Variants in STXBP5L observed in about 807,000 individuals in gnomAD.
STXBP5L encodes syntaxin binding protein 5L.
Under a neutral mutation model 144.5 loss-of-function variants are expected in STXBP5L, and 65 were observed. That is an observed-to-expected ratio of 0.45 (90% confidence interval 0.37 to 0.55). The LOEUF is 0.55. Ranked by LOEUF, STXBP5L falls within the 20% of genes least tolerant of loss-of-function variation. The pLI, the probability that STXBP5L is intolerant of heterozygous loss-of-function variation, is 0.00. For synonymous variants in STXBP5L, 505 were observed against 469.6 expected (o/e 1.08, Z -0.97); for missense variants, 1,298 against 1,405.5 (o/e 0.92, Z 1.22).
chr3:120,975,239 T>C (rs1029374226), intron 3 of STXBP5L, among the ~76,000 whole-genome samples: 1 of 152,208 alleles, frequency 6.6e-6, no homozygotes, highest in African/African-American at 2.4e-5. Flanking sequence ...TTTGTAGTTC[T>C]CCTTGAAGAG....
intron 22 of STXBP5L, among the ~76,000 whole-genome samples, chr3:121,395,728 C>T (rs189887939): frequency 2.6e-5 from 4 of 152,324 alleles, no homozygotes; most frequent in Non-Finnish European, 5.9e-5. Context: ...AATGGTGATA[C>T]CGCTATCATA....
chr3:121,109,612 T>C (rs558164768), intron 5 of STXBP5L, among the ~76,000 whole-genome samples: 3 of 152,314 alleles, frequency 2.0e-5, no homozygotes, highest in African/African-American at 7.2e-5. Context: ...TTCTTTTGTA[T>C]TTGCTGAGGA....
intron 11 of STXBP5L, among the ~76,000 whole-genome samples, chr3:121,223,881 A>T (rs746591020): frequency 8.5e-5 from 13 of 152,118 alleles, no homozygotes; most frequent in Non-Finnish European, 1.5e-4. Context: ...AGATCGTTTG[A>T]GTCCAGGAGT....
chr3:121,359,808 G>A lies in STXBP5L; in HGVS notation c.2177-18908G>A, dbSNP rs150937924. Reference sequence around the variant, plus strand: ...TCTATTCTGTCCCATTGGTCAATATGTCTGTTTTTATGCCAGTACCATGCT... The same window carrying A: ...TCTATTCTGTCCCATTGGTCAATATATCTGTTTTTATGCCAGTACCATGCT... On this transcript the variant is annotated intron_variant, in intron 20 of 26. Coordinates refer to ENST00000471454, the MANE Select transcript of STXBP5L (RefSeq NM_001308330.2). Among the ~76,000 whole-genome samples the A allele has an allele frequency of 7.3e-5, 11 of 151,668 alleles. No individual in the cohort carries two copies. The East Asian group carries it at 2.1e-3, about 29-fold the overall frequency.
At chr3:121,004,094 T>C (rs1433839830) in intron 3 of STXBP5L, among the ~76,000 whole-genome samples, 3 of 152,220 alleles carry the variant, frequency 2.0e-5, no homozygotes, top group Admixed American at 2.0e-4. Flanking sequence ...AAGAAAGTCA[T>C]TGGTAGCTTG....
chr3:121,175,797 C>G (rs546773982), intron 9 of STXBP5L, among the ~76,000 whole-genome samples: 4 of 151,556 alleles, frequency 2.6e-5, no homozygotes, highest in African/African-American at 9.7e-5. Context: ...AAGCAAGACT[C>G]AACTACATGT....
At chr3:121,075,495 A>T (rs2041981638) in intron 5 of STXBP5L, among the ~76,000 whole-genome samples, 1 of 152,120 alleles carries the variant, frequency 6.6e-6, no homozygotes, top group Non-Finnish European at 1.5e-5. Flanking sequence ...CACCTGTATA[A>T]GCTTGGTAAT....
intron 3 of STXBP5L, among the ~76,000 whole-genome samples, chr3:120,990,566 G>C (rs1299189785): frequency 2.6e-5 from 4 of 152,024 alleles, no homozygotes; most frequent in Non-Finnish European, 5.9e-5. Flanking sequence ...TATACTACAA[G>C]GCTACAGTAA....
intron 20 of STXBP5L, among the ~76,000 whole-genome samples, chr3:121,334,439 C>A (rs1364119156): frequency 8.4e-5 from 12 of 142,674 alleles, no homozygotes; most frequent in South Asian, 4.5e-4. Flanking sequence ...AGGGACACAA[C>A]AACAAAAAAA....
intron 10 of STXBP5L, among the ~76,000 whole-genome samples, chr3:121,214,737 G>T (rs1458925422): frequency 6.6e-6 from 1 of 152,188 alleles, no homozygotes; most frequent in Admixed American, 6.6e-5. Context: ...GTCCAGAGCT[G>T]AGTTCAAGTC....
chr3:121,173,131 A>G (rs1315905937), intron 9 of STXBP5L, among the ~76,000 whole-genome samples: 1 of 152,016 alleles, frequency 6.6e-6, no homozygotes, highest in African/African-American at 2.4e-5. Flanking sequence ...GAACTGTGAG[A>G]ACACATGGAA....
Position 121,129,751 on chromosome 3 carries a change from A to C in STXBP5L, c.669+8047A>C, listed in dbSNP as rs72966144. ...CTGGACATTCTTTGGAAAGTATACC[A>C]ATTCACTTTTTTGCCTATGTAATGC... is the stretch of plus-strand genomic sequence containing the variant. On this transcript the variant is annotated intron_variant, in intron 7 of 26. Coordinates refer to ENST00000471454, the MANE Select transcript of STXBP5L (RefSeq NM_001308330.2). 2.5e-3 allele frequency among the ~76,000 whole-genome samples: 379 copies of C among 152,144 alleles called. 2 individuals carry two copies. Among genetic ancestry groups the C allele is most frequent in the African/African-American group, 8.6e-3 (357 of 41,534 alleles).
At chr3:120,982,340 C>T (rs1048312956) in intron 3 of STXBP5L, among the ~76,000 whole-genome samples, 1 of 152,150 alleles carries the variant, frequency 6.6e-6, no homozygotes, top group Non-Finnish European at 1.5e-5. Context: ...CAAGCTCACC[C>T]ATGAATACCC....
chr3:121,417,220 T>C (rs1196430410), intron 25 of STXBP5L, among the ~76,000 whole-genome samples: 5 of 152,304 alleles, frequency 3.3e-5, no homozygotes, highest in Non-Finnish European at 2.9e-5. Flanking sequence ...TTTGGAGTTA[T>C]GTGTATGTTC....
chr3:121,066,052 C>T (rs537285325), intron 5 of STXBP5L, among the ~76,000 whole-genome samples: 4 of 152,242 alleles, frequency 2.6e-5, no homozygotes, highest in African/African-American at 9.6e-5. Flanking sequence ...TATGTGAACA[C>T]AGAAGTGACA....
At chr3:121,183,010 A>G (rs1276258259) in intron 9 of STXBP5L, among the ~76,000 whole-genome samples, 1 of 152,206 alleles carries the variant, frequency 6.6e-6, no homozygotes, top group African/African-American at 2.4e-5. Flanking sequence ...CTTAACATAC[A>G]TGGGTGAATA....
At chr3:121,347,400 T>C (rs905654520) in intron 20 of STXBP5L, among the ~76,000 whole-genome samples, 1 of 152,234 alleles carries the variant, frequency 6.6e-6, no homozygotes, top group Non-Finnish European at 1.5e-5. Flanking sequence ...GCCTCCAGCT[T>C]TGTTCTCTTG....
intron 3 of STXBP5L, among the ~76,000 whole-genome samples, chr3:121,017,284 A>C (rs1945210096): frequency 6.6e-6 from 1 of 152,200 alleles, no homozygotes; most frequent in Non-Finnish European, 1.5e-5. Context: ...ATGGAAGGGA[A>C]CTTCTTCAAC....
intron 5 of STXBP5L, among the ~76,000 whole-genome samples, chr3:121,103,293 T>G (rs546641941): frequency 6.6e-6 from 1 of 152,304 alleles, no homozygotes; most frequent in South Asian, 2.1e-4. Context: ...TCAACCCAGG[T>G]GCCCCTTGAC....
Sources: allele counts gnomAD v4.1 joint callset (sites outside exome capture counted in the v4.1 genomes callset), GRCh38; gene constraint gnomAD v4.1.1; transcripts MANE v1.5; gene names NCBI Gene and HGNC (gene_info 2026-07-23, HGNC 2026-07-21).